The following KPNA4 variants were observed in gnomAD, a reference collection of about 807,000 sequenced individuals.
The protein encoded by KPNA4 is importin subunit alpha-3.
Under a neutral mutation model 71.3 loss-of-function variants are expected in KPNA4, and 13 were observed. The observed-to-expected ratio is 0.18, with a 90% confidence interval of 0.12 to 0.29. KPNA4 has a LOEUF of 0.29. Ranked by LOEUF, KPNA4 falls within the 10% of genes least tolerant of loss-of-function variation. KPNA4 has a pLI of 1.00. For synonymous variants in KPNA4, 189 were observed against 195.2 expected (o/e 0.97, Z 0.26); for missense variants, 334 against 603.2 (o/e 0.55, Z 4.67).
chr3:160,544,579 T>C (rs1560053885), intron 1 of KPNA4, among the ~76,000 whole-genome samples: 1 of 152,236 alleles, frequency 6.6e-6, no homozygotes, highest in African/African-American at 2.4e-5. Flanking sequence ...ACAAAAAACT[T>C]TGAATCCTTA....
At position 160,501,395 on chromosome 3, in the gene KPNA4, AAACC is replaced by A. The variant is rs1407823118; in HGVS notation, c.*705_*708del. On this transcript the variant is annotated 3_prime_UTR_variant, in exon 17 of 17. Coordinates refer to ENST00000334256, the MANE Select transcript of KPNA4 (RefSeq NM_002268.5). ...GCAGAGTAAACCAATGTCTGCTGCT[AAACC>A]AGTCTTTGTTTTCATGTCCAGTGTA... 18 of 152,556 alleles carry A rather than the reference AAACC, an allele frequency of 1.2e-4. No homozygotes were observed. Among genetic ancestry groups the A allele is most frequent in the Non-Finnish European group, 1.5e-5 (1 of 68,034 alleles). 9.5% of individuals were successfully genotyped at this position (152,556 alleles called of 1,614,324 possible). A position where few individuals can be genotyped will look rare whatever the true frequency, so the allele number is the denominator to read the frequency against.
chr3:160,518,786 G>A (rs1414588917), intron 11 of KPNA4, among the ~76,000 whole-genome samples: 1 of 151,954 alleles, frequency 6.6e-6, no homozygotes, highest in African/African-American at 2.4e-5. Flanking sequence ...GCTTGAACCT[G>A]GGAGGCAGAG....
chr3:160,527,695 A>T (rs1467950405), intron 8 of KPNA4, among the ~76,000 whole-genome samples: 2 of 152,208 alleles, frequency 1.3e-5, no homozygotes, highest in Non-Finnish European at 2.9e-5. Context: ...CAGAAGGTCT[A>T]AATTGTATAC....
chr3:160,560,272 AAG>A (rs955318135), intron 1 of KPNA4, among the ~76,000 whole-genome samples: 1 of 152,112 alleles, frequency 6.6e-6, no homozygotes, highest in African/African-American at 2.4e-5. Flanking sequence ...TCAAAAGCAC[AAG>A]AGTTTCTTCT....
chr3:160,546,661 G>C (rs982625865), intron 1 of KPNA4, among the ~76,000 whole-genome samples: 1 of 152,116 alleles, frequency 6.6e-6, no homozygotes, highest in Non-Finnish European at 1.5e-5. Context: ...AAACTAATAT[G>C]GTTAATCACC....
At chr3:160,520,738 T>C (rs1721330344) in intron 11 of KPNA4, among the ~76,000 whole-genome samples, 1 of 152,134 alleles carries the variant, frequency 6.6e-6, no homozygotes. Flanking sequence ...GCAGGAGAAA[T>C]TAAAAACAGC....
intron 13 of KPNA4, among the ~76,000 whole-genome samples, 158 bp from the exon 14 acceptor site, chr3:160,510,029 T>C (rs563728416): frequency 1.5e-4 from 23 of 152,340 alleles, no homozygotes; most frequent in Non-Finnish European, 2.9e-4. Flanking sequence ...CTTTGAACTA[T>C]TCCCAATCTA....
chr3:160,525,757 C>T (rs367920267), intron 10 of KPNA4, 43 bp downstream of exon 10: 7 of 1,197,518 alleles, frequency 5.8e-6, no homozygotes, highest in African/African-American at 4.7e-5. Context: ...CCTAGAAATA[C>T]ATACATACAT....
In KPNA4 at chr3:160,525,810, G is replaced by C; in HGVS notation, c.761C>G (p.Thr254Arg). 1 of 1,564,774 alleles carries C rather than the reference G, an allele frequency of 6.4e-7. No homozygotes were observed. Among genetic ancestry groups the C allele is most frequent in the Non-Finnish European group, 8.7e-7 (1 of 1,154,168 alleles). ...LPALCVLIHH[T>R]DVNILVDTVW... ...GACACATTTACTCACATTTACATCT[G>C]TGTGATGAATTAAAACACAAAGGGC... The change falls in exon 10 of 17, where the codon ACA (threonine) becomes AGA (arginine). Residue 254 changes from threonine (T) to arginine (R), a missense_variant. Thr to Arg is a moderately conservative substitution (Grantham distance 71, BLOSUM62 -1). Transcript: ENST00000334256.
intron 11 of KPNA4, 38 bp from the exon 12 acceptor site, chr3:160,515,618 CTTT>C (rs112603907): frequency 1.1e-3 from 1,563 of 1,435,582 alleles, no homozygotes; most frequent in East Asian, 2.1e-3. Context: ...ATGTGAAATC[CTTT>C]TTTTTTTTTT....
At chr3:160,535,918 A>C in intron 2 of KPNA4, 21 bp from the exon 3 acceptor site, 3 of 1,103,652 alleles carry the variant, frequency 2.7e-6, no homozygotes, top group Middle Eastern at 3.4e-4. Flanking sequence ...AAAAAAAAAA[A>C]AAAAAAACCA....
rs527752515 is a variant in KPNA4, at chr3:160,551,901, T to A, written c.69+13313A>T. 3.5e-5 allele frequency among the ~76,000 whole-genome samples: 5 copies of A among 144,034 alleles called. No homozygotes were observed. The East Asian group carries it at 8.7e-4, about 25-fold the overall frequency. 94.5% of individuals were successfully genotyped at this position (144,034 alleles called of 152,430 possible). On this transcript the variant is annotated intron_variant, in intron 1 of 16. Transcript: ENST00000334256. ...GGGTGAGTTTGCCACACAAGGGATA[T>A]TTGGCAATTTCTGAAGACTGTTCTT... is the stretch of plus-strand genomic sequence containing the variant.
At chr3:160,524,044 G>A (rs1721413018) in intron 10 of KPNA4, among the ~76,000 whole-genome samples, 1 of 152,042 alleles carries the variant, frequency 6.6e-6, no homozygotes, top group Non-Finnish European at 1.5e-5. Flanking sequence ...GTTTTTAAAG[G>A]ACATGTCACT....
intron 1 of KPNA4, among the ~76,000 whole-genome samples, chr3:160,551,524 A>G (rs1722039838): frequency 6.6e-6 from 1 of 152,312 alleles, no homozygotes; most frequent in East Asian, 1.9e-4. Flanking sequence ...GAGACCCAAC[A>G]AAAGCAAATA....
rs1047285569 is a variant in KPNA4, at chr3:160,565,510, G to A, written c.-228C>T. The A allele has an allele frequency of 7.4e-6, 4 of 544,124 alleles. No homozygotes were observed. Among genetic ancestry groups the A allele is most frequent in the Admixed American group, 3.6e-5 (1 of 27,936 alleles). 33.7% of individuals were successfully genotyped at this position (544,124 alleles called of 1,614,324 possible). On this transcript the variant is annotated 5_prime_UTR_variant, in exon 1 of 17. Coordinates refer to ENST00000334256, the MANE Select transcript of KPNA4 (RefSeq NM_002268.5). ...CAGCTCCGGCAAAGACAACTGTGGG[G>A]CCGGGCGGCGGCAAGGCGACGGAAT...
chr3:160,561,300 A>G (rs1041762115), intron 1 of KPNA4, among the ~76,000 whole-genome samples: 8 of 152,082 alleles, frequency 5.3e-5, no homozygotes, highest in African/African-American at 1.9e-4. Context: ...TAAAAAACAT[A>G]AATTATATGA....
Position 160,514,082 on chromosome 3 carries a change from C to A in KPNA4, c.1132G>T (p.Asp378Tyr). 1 of 1,547,076 alleles carries A rather than the reference C, an allele frequency of 6.5e-7. No individual in the cohort carries two copies. Among genetic ancestry groups the A allele is most frequent in the Non-Finnish European group, 8.7e-7 (1 of 1,151,226 alleles). The change falls in exon 13 of 17, where the codon GAT becomes TAT. Residue 378 changes from aspartate to tyrosine, a missense_variant. Physicochemically the swap from Asp to Tyr is radical, Grantham distance 160 (BLOSUM62 -3). Coordinates refer to ENST00000334256, the MANE Select transcript of KPNA4 (RefSeq NM_002268.5). Reference sequence around the variant, plus strand: ...ATATAACATGATTTTCTTACCTTATCCAAAAGGTGTATTATCATTGGTACA... The same window carrying A: ...ATATAACATGATTTTCTTACCTTATACAAAAGGTGTATTATCATTGGTACA... ...NLVPMIIHLL[D>Y]KGDFGTQKEA...
intron 8 of KPNA4, 49 bp downstream of exon 8, chr3:160,527,902 CTT>C (rs1357208676): frequency 7.4e-7 from 1 of 1,359,576 alleles, no homozygotes; most frequent in Non-Finnish European, 1.0e-6. Context: ...ATTTTTATTA[CTT>C]AGTATATGAT....
At chr3:160,529,227 C>A (rs1486565053) in intron 7 of KPNA4, among the ~76,000 whole-genome samples, 1 of 152,176 alleles carries the variant, frequency 6.6e-6, no homozygotes, top group Non-Finnish European at 1.5e-5. Context: ...AGCCACCATG[C>A]CCAACCTCAT....
Sources: gnomAD v4.1 joint callset for allele counts (sites outside exome capture counted in the v4.1 genomes callset) on GRCh38, gnomAD v4.1.1 for gene constraint, MANE v1.5 for transcripts, NCBI Gene and HGNC (gene_info 2026-07-23, HGNC 2026-07-21) for gene names.